Variants in THADA observed in about 807,000 individuals in gnomAD.
THADA encodes the protein THADA armadillo repeat containing, also known as tRNA (32-2'-O)-methyltransferase regulator THADA.
In THADA, 213 loss-of-function variants were observed where a neutral mutation model predicts 219.8. The ratio of observed to expected loss-of-function variants is 0.97; its 90% CI spans 0.87 to 1.09. The LOEUF (loss-of-function observed/expected upper bound fraction) is 1.09. THADA is among the 50% of genes least tolerant of loss of function. The pLI is 0.00. For synonymous variants in THADA, 1,018 were observed against 828.9 expected, an observed-to-expected ratio of 1.23 and a Z score of -3.92; for missense variants, 2,956 against 2,311.3, an observed-to-expected ratio of 1.28 and a Z score of -5.72.
intron 29 of THADA, among the ~76,000 whole-genome samples, chr2:43,383,739 C>T (rs779555081): frequency 1.3e-5 from 2 of 152,150 alleles, no homozygotes; most frequent in Non-Finnish European, 2.9e-5. Flanking sequence ...CTTTGAGTGA[C>T]AAGGTTCTCT....
chr2:43,443,672 G>A (rs944433995), intron 26 of THADA, among the ~76,000 whole-genome samples: 5 of 152,196 alleles, frequency 3.3e-5, no homozygotes, highest in Non-Finnish European at 7.3e-5. Flanking sequence ...AATTGTGAAT[G>A]GGATAAAACA....
At chr2:43,475,029 T>C (rs1194222620) in intron 26 of THADA, among the ~76,000 whole-genome samples, 1 of 152,186 alleles carries the variant, frequency 6.6e-6, no homozygotes. Flanking sequence ...AAAGAGAGAT[T>C]GTTCAGGACA....
intron 14 of THADA, among the ~76,000 whole-genome samples, chr2:43,569,274 G>A (rs571515073): frequency 9.2e-5 from 14 of 152,318 alleles, no homozygotes; most frequent in South Asian, 4.1e-4. Flanking sequence ...ACCACTAGTC[G>A]CTTTTAATGA....
rs540254344 is a variant in THADA at position 43,339,869 on chromosome 2, G to A, written c.4343+4253C>T. Reference sequence around the variant, plus strand: ...GCTTACTTGGAAGACTCTGGTGGGAGGACTGCTTGAGCCCAGGAGTTCAAG... The same window carrying A: ...GCTTACTTGGAAGACTCTGGTGGGAAGACTGCTTGAGCCCAGGAGTTCAAG... On this transcript the variant is annotated intron_variant, in intron 30 of 37. Transcript: ENST00000405975. 2.0e-5 allele frequency among the ~76,000 whole-genome samples: 3 copies of A among 152,156 alleles called. No individual in the cohort carries two copies. The East Asian group carries it at 5.8e-4, about 29-fold the overall frequency.
intron 26 of THADA, among the ~76,000 whole-genome samples, chr2:43,462,283 C>T (rs1333467484): frequency 6.6e-6 from 1 of 152,090 alleles, no homozygotes; most frequent in Non-Finnish European, 1.5e-5. Context: ...AGATTCCTGC[C>T]AGTGTCACAA....
intron 36 of THADA, among the ~76,000 whole-genome samples, chr2:43,279,367 T>C (rs1286670772): frequency 5.3e-5 from 8 of 152,220 alleles, no homozygotes; most frequent in Non-Finnish European, 8.8e-5. Context: ...AACAAAATGA[T>C]GGTTTTGTGA....
intron 29 of THADA, among the ~76,000 whole-genome samples, chr2:43,385,606 CAAAAAAAAAAAAAAA>C (rs532857816): frequency 2.0e-5 from 1 of 49,930 alleles, no homozygotes; most frequent in Non-Finnish European, 4.4e-5. Flanking sequence ...GACTCCGTCT[CAAAAAAAAAAAAAAA>C]AAAAAAAAAG....
chr2:43,249,647 T>C (rs1415634468), intron 36 of THADA, among the ~76,000 whole-genome samples: 1 of 152,192 alleles, frequency 6.6e-6, no homozygotes, highest in Non-Finnish European at 1.5e-5. Flanking sequence ...TCATCACTAG[T>C]GGATTGGCTG....
chr2:43,593,696 C>A (rs945549234), intron 1 of THADA, among the ~76,000 whole-genome samples: 1 of 148,652 alleles, frequency 6.7e-6, no homozygotes, highest in African/African-American at 2.5e-5. Flanking sequence ...TGCAGTGGCG[C>A]GATCTGCGCT....
At chr2:43,556,749 A>AC (rs1395460414) in intron 16 of THADA, among the ~76,000 whole-genome samples, 194 bp from the exon 17 acceptor site, 1 of 151,942 alleles carries the variant, frequency 6.6e-6, no homozygotes. Context: ...ACATAGTGAG[A>AC]CCCCATCTCA....
At chr2:43,439,376 G>C (rs1680557309) in intron 26 of THADA, among the ~76,000 whole-genome samples, 1 of 152,094 alleles carries the variant, frequency 6.6e-6, no homozygotes, top group African/African-American at 2.4e-5. Flanking sequence ...CTCTTACTGT[G>C]CCTAATTTAT....
intron 30 of THADA, among the ~76,000 whole-genome samples, chr2:43,334,371 G>C (rs559609058): frequency 6.6e-6 from 1 of 152,078 alleles, no homozygotes; most frequent in African/African-American, 2.4e-5. Flanking sequence ...TAGATTATTA[G>C]AATTAACTTG....
intron 28 of THADA, among the ~76,000 whole-genome samples, chr2:43,418,308 A>C (rs1008096159): frequency 6.6e-6 from 1 of 152,218 alleles, no homozygotes; most frequent in Non-Finnish European, 1.5e-5. Flanking sequence ...GTAAGAAGCA[A>C]AGCAAATCAT....
chr2:43,557,272 C>T (rs984836763), intron 16 of THADA, among the ~76,000 whole-genome samples: 1 of 152,108 alleles, frequency 6.6e-6, no homozygotes, highest in African/African-American at 2.4e-5. Context: ...TTTTTTAAAA[C>T]TGCTTCTTTC....
chr2:43,551,773 T>C lies in THADA; in HGVS notation c.2947+16A>G. On this transcript the variant is annotated intron_variant, in intron 19 of 37. Coordinates refer to ENST00000405975, the MANE Select transcript of THADA (RefSeq NM_022065.5). Reference sequence around the variant, plus strand: ...TCAAACCACAGCACTCTAGCCGGCCTTCTTCATTTGCTAACCTGAATCAGT... The same window carrying C: ...TCAAACCACAGCACTCTAGCCGGCCCTCTTCATTTGCTAACCTGAATCAGT... 1 of 1,607,670 alleles carries C rather than the reference T, an allele frequency of 6.2e-7. No homozygotes were observed. The highest frequency in any genetic ancestry group is 8.5e-7 in the Non-Finnish European group (1 of 1,177,726).
At chr2:43,456,125 T>C (rs114861292) in intron 26 of THADA, among the ~76,000 whole-genome samples, 2,095 of 152,322 alleles carry the variant, frequency 0.014, 44 homozygotes, top group South Asian at 0.12. Flanking sequence ...ATTTGAGGTA[T>C]ATAAATACCT....
intron 36 of THADA, among the ~76,000 whole-genome samples, chr2:43,257,306 G>A (rs1670435207): frequency 6.6e-6 from 1 of 152,248 alleles, no homozygotes; most frequent in African/African-American, 2.4e-5. Context: ...AGAGAGGGAA[G>A]GCACAAGGCC....
chr2:43,437,116 G>A (rs1680221499), intron 26 of THADA, among the ~76,000 whole-genome samples: 1 of 152,112 alleles, frequency 6.6e-6, no homozygotes, highest in Non-Finnish European at 1.5e-5. Flanking sequence ...TTAAAAACAT[G>A]GTACAAAATT....
intron 31 of THADA, 121 bp downstream of exon 31, chr2:43,320,325 A>C: frequency 1.5e-6 from 1 of 652,814 alleles, no homozygotes; most frequent in Non-Finnish European, 2.7e-6. Flanking sequence ...TTTAATTTTG[A>C]TGTGTGGTTA....
Sources: allele counts gnomAD v4.1 joint callset (sites outside exome capture counted in the v4.1 genomes callset), GRCh38; gene constraint gnomAD v4.1.1; transcripts MANE v1.5; gene names NCBI Gene and HGNC (gene_info 2026-07-23, HGNC 2026-07-21).